KAT6B: variants seen among roughly 807,000 people sequenced by gnomAD.
KAT6B encodes histone acetyltransferase KAT6B.
KAT6B carries 10 observed loss-of-function variants against 187.5 expected under a neutral mutation model. That is an observed-to-expected ratio of 0.05 (90% CI 0.03 to 0.09). KAT6B has a LOEUF of 0.09. KAT6B is among the 10% of genes least tolerant of loss of function. The pLI, the probability that KAT6B is intolerant of heterozygous loss-of-function variation, is 1.00. For synonymous variants in KAT6B, 861 were observed against 926.8 expected, an observed-to-expected ratio of 0.93 and a Z score of 1.29; for missense variants, 1,952 against 2,558.9, an observed-to-expected ratio of 0.76 and a Z score of 5.12.
intron 3 of KAT6B, among the ~76,000 whole-genome samples, chr10:74,878,768 A>G (rs1390502637): frequency 1.3e-5 from 2 of 152,276 alleles, no homozygotes; most frequent in South Asian, 2.1e-4. Flanking sequence ...CAGGGATCAG[A>G]GGTATGAACC....
intron 10 of KAT6B, among the ~76,000 whole-genome samples, chr10:74,981,510 A>ACCACAGG (rs1376308288): frequency 6.6e-6 from 1 of 152,132 alleles, no homozygotes; most frequent in Non-Finnish European, 1.5e-5. Flanking sequence ...AATAGCTGGG[A>ACCACAGG]CCACAGGCAT....
At chr10:74,870,885 T>G (rs1373353228) in intron 3 of KAT6B, among the ~76,000 whole-genome samples, 5 of 142,294 alleles carry the variant, frequency 3.5e-5, no homozygotes, top group East Asian at 2.0e-4. Context: ...CGTTTTTTTG[T>G]TTTTTTTTTT....
intron 3 of KAT6B, among the ~76,000 whole-genome samples, chr10:74,919,397 T>C (rs1589621872): frequency 6.6e-6 from 1 of 152,054 alleles, no homozygotes; most frequent in East Asian, 1.9e-4. Flanking sequence ...TGCTTCATCC[T>C]CTTTTTTTGT....
chr10:74,995,393 A>G (rs998282887), intron 13 of KAT6B, among the ~76,000 whole-genome samples: 4 of 152,208 alleles, frequency 2.6e-5, no homozygotes, highest in African/African-American at 7.2e-5. Context: ...AATGTAAAAC[A>G]TTAACATGAT....
At chr10:74,933,755 A>T (rs958762509) in intron 3 of KAT6B, among the ~76,000 whole-genome samples, 2 of 152,158 alleles carry the variant, frequency 1.3e-5, no homozygotes, top group Non-Finnish European at 2.9e-5. Context: ...AATGGAGGAG[A>T]AAACACAACA....
At chr10:75,001,323 C>T (rs1843818844) in intron 13 of KAT6B, among the ~76,000 whole-genome samples, 1 of 152,080 alleles carries the variant, frequency 6.6e-6, no homozygotes, top group Non-Finnish European at 1.5e-5. Context: ...TGGCTGATTT[C>T]TTGAGGAAGC....
rs573950547 is a variant in KAT6B at position 74,871,354 on chromosome 10, G to A, written c.621+27876G>A. On this transcript the variant is annotated intron_variant, in intron 3 of 17. Transcript: ENST00000287239. ...ATTACAGGCACACACCGTCATACCC[G>A]GCTGATTTTTGTATTTTTAGTAGAG... Among the ~76,000 whole-genome samples, 72 of 151,126 alleles carry A rather than the reference G, an allele frequency of 4.8e-4. 1 individual carries two copies. In the South Asian group the frequency reaches 0.011, roughly 23 times the overall value.
intron 13 of KAT6B, among the ~76,000 whole-genome samples, chr10:74,994,099 T>G (rs952704276): frequency 6.6e-6 from 1 of 152,218 alleles, no homozygotes; most frequent in Non-Finnish European, 1.5e-5. Flanking sequence ...TAATTATTAC[T>G]ATGATAATTA....
At position 74,975,824 on chromosome 10, in the gene KAT6B, C is replaced by T. The variant is rs776118958; in HGVS notation, c.1487C>T (p.Pro496Leu). The T allele has an allele frequency of 1.9e-6, 3 of 1,614,130 alleles. No homozygotes were observed. The highest frequency in any genetic ancestry group is 1.7e-6 in the Non-Finnish European group (2 of 1,180,024). ...AAACCTCCACCTTCTTCACTTCCAC[C>T]CCCAACCCCCATCTCCGGTCAGAGC... ...KLKPPPSSLP[P>L]PTPISGQSPS... is the part of the protein sequence containing the mutation. The change falls in exon 8 of 18, where the codon CCC becomes CTC. Residue 496 changes from proline to leucine, a missense_variant. Physicochemically the swap from Pro to Leu is moderately conservative, Grantham distance 98. Around this residue, in one of 9 missense-constraint regions of KAT6B, gnomAD observed 417 missense variants for 508.9 expected, o/e 0.82. Transcript: ENST00000287239.
Position 75,018,534 on chromosome 10 carries a change from C to T in KAT6B, c.2630-2048C>T, listed in dbSNP as rs747332785. Among the ~76,000 whole-genome samples the T allele has an allele frequency of 5.3e-5, 8 of 152,180 alleles. No homozygotes were observed. The East Asian group carries it at 5.8e-4, about 11-fold the overall frequency. On this transcript the variant is annotated intron_variant, in intron 13 of 17. Transcript: ENST00000287239. ...CGGGGTGTGAAAGCATGAACAGCTGCGGAAAGCGTGGGTTTTCTGATGCTG... is the reference window on the plus strand; with the variant it reads ...CGGGGTGTGAAAGCATGAACAGCTGTGGAAAGCGTGGGTTTTCTGATGCTG...
At chr10:75,016,507 G>A (rs978082334) in intron 13 of KAT6B, among the ~76,000 whole-genome samples, 1 of 152,212 alleles carries the variant, frequency 6.6e-6, no homozygotes, top group Non-Finnish European at 1.5e-5. Flanking sequence ...CTTTTGCTAC[G>A]ATCAAGATAG....
chr10:74,872,148 C>T (rs1383556761), intron 3 of KAT6B, among the ~76,000 whole-genome samples: 2 of 152,190 alleles, frequency 1.3e-5, no homozygotes, highest in Non-Finnish European at 2.9e-5. Context: ...CAGTAGTTCC[C>T]TTCTCACACT....
chr10:74,910,936 A>G (rs1847159241), intron 3 of KAT6B, among the ~76,000 whole-genome samples: 1 of 152,020 alleles, frequency 6.6e-6, no homozygotes, highest in Non-Finnish European at 1.5e-5. Context: ...TTTTTCTTTG[A>G]TACTTGATAG....
chr10:75,021,364 G>A (rs1049088397), intron 15 of KAT6B, 79 bp downstream of exon 15: 9 of 1,467,434 alleles, frequency 6.1e-6, no homozygotes, highest in African/African-American at 1.4e-5. Context: ...CATTAAGATC[G>A]TTGTCAAAAG....
intron 3 of KAT6B, among the ~76,000 whole-genome samples, chr10:74,860,508 A>G (rs1350778220): frequency 6.6e-6 from 1 of 152,244 alleles, no homozygotes; most frequent in Admixed American, 6.5e-5. Flanking sequence ...TGACTTGCCC[A>G]AGAGTACACA....
At chr10:75,019,195 C>G (rs994482604) in intron 13 of KAT6B, among the ~76,000 whole-genome samples, 1 of 152,164 alleles carries the variant, frequency 6.6e-6, no homozygotes, top group African/African-American at 2.4e-5. Flanking sequence ...TGTTTGCATT[C>G]AGTCAAATAC....
chr10:74,950,325 G>A (rs374461246), intron 3 of KAT6B, among the ~76,000 whole-genome samples: 33 of 152,226 alleles, frequency 2.2e-4, no homozygotes, highest in African/African-American at 8.0e-4. Context: ...CCCGAAGGAT[G>A]TGAAGTAGAC....
intron 13 of KAT6B, among the ~76,000 whole-genome samples, chr10:74,992,752 T>C (rs1287357318): frequency 1.3e-5 from 2 of 152,128 alleles, no homozygotes; most frequent in African/African-American, 2.4e-5. Flanking sequence ...GAGTAAGTCA[T>C]TTGTATATCA....
Position 74,887,181 on chromosome 10 carries a change from G to A in KAT6B, c.621+43703G>A, listed in dbSNP as rs1460854441. Among the ~76,000 whole-genome samples the A allele has an allele frequency of 2.6e-5, 4 of 152,154 alleles. No homozygotes were observed. The East Asian group carries it at 7.7e-4, about 29-fold the overall frequency. On this transcript the variant is annotated intron_variant, in intron 3 of 17. Coordinates refer to ENST00000287239, the MANE Select transcript of KAT6B (RefSeq NM_012330.4). ...GGTTGGTTTCTACCAGGTCAGGGAT[G>A]CAGTTCTGCAGGCAGTATGTTACAT...
Sources: allele counts gnomAD v4.1 joint callset (sites outside exome capture counted in the v4.1 genomes callset), GRCh38; gene constraint gnomAD v4.1.1; regional missense constraint gnomAD v4.1.1; transcripts MANE v1.5; gene names NCBI Gene and HGNC (gene_info 2026-07-23, HGNC 2026-07-21).